TTN: variants seen among roughly 807,000 people sequenced by gnomAD.
The protein encoded by TTN is titin, also known as connectin.
TTN carries 1,525 observed loss-of-function variants against 3,223.0 expected under a neutral mutation model. The ratio of observed to expected loss-of-function variants is 0.47; its 90% CI spans 0.45 to 0.49. The LOEUF is 0.49. TTN is among the 20% of genes least tolerant of loss of function. The probability of loss-of-function intolerance (pLI) is 0.00; values close to 1 mark genes in which losing one functional copy is unlikely to be tolerated. For synonymous variants in TTN, 14,094 were observed against 15,161.0 expected (o/e 0.93, Z 5.17); for missense variants, 40,786 against 43,424.0 (o/e 0.94, Z 5.40).
intron 47 of TTN, chr2:178,748,913 G>GA (rs1217527330): frequency 6.2e-7 from 1 of 1,612,372 alleles, no homozygotes; most frequent in South Asian, 1.1e-5. Flanking sequence ...TTGCTTTAAT[G>GA]AAAAGGCTTT....
chr2:178,800,665 T>G lies in TTN; in HGVS notation c.313A>C (p.Asn105His), dbSNP rs780972429. ...LLVKAETAPP[N>H]FVQRLQSMTV... Reference sequence around the variant, plus strand: ...ATGCTCTGCAGTCGTTGAACGAAGTTGGGTGGTGCTGTCTCAGCTGCGGGG... The same window carrying G: ...ATGCTCTGCAGTCGTTGAACGAAGTGGGGTGGTGCTGTCTCAGCTGCGGGG... Residue 105 changes from asparagine to histidine, a missense_variant, in exon 4 of 363, where the codon AAC becomes CAC. By Grantham distance (68) the Asn-to-His change is moderately conservative. Transcript: ENST00000589042. 2.5e-6 allele frequency: 4 copies of G among 1,609,298 alleles called. No individual in the cohort carries two copies. Among genetic ancestry groups the G allele is most frequent in the South Asian group, 2.2e-5 (2 of 90,416 alleles).
chr2:178,607,995 C>T lies in TTN; in HGVS notation c.52792G>A (p.Gly17598Ser). Reference sequence around the variant, plus strand: ...ACAAAATAGCCAACAATTTCCCCACCACCATTGAAAGCTGGGGGTTCCCAT... The same window carrying T: ...ACAAAATAGCCAACAATTTCCCCACTACCATTGAAAGCTGGGGGTTCCCAT... ...LEWEPPAFNGGGEIVGYFVDK... is the reference protein window; with the variant it reads ...LEWEPPAFNGSGEIVGYFVDK... The change falls in exon 276 of 363, where the codon GGT becomes AGT. Residue 17598 changes from glycine (G) to serine (S), a missense_variant. By Grantham distance (56) the Gly-to-Ser change is moderately conservative (BLOSUM62 0). Coordinates refer to ENST00000589042, the MANE Select transcript of TTN (RefSeq NM_001267550.2). 1 of 1,612,910 alleles carries T rather than the reference C, an allele frequency of 6.2e-7. No individual in the cohort carries two copies. Among genetic ancestry groups the T allele is most frequent in the Non-Finnish European group, 8.5e-7 (1 of 1,179,320 alleles).
rs1267766480 is a variant in TTN at position 178,576,256 on chromosome 2, T to C, written c.69876A>G (p.Thr23292=). ...ACTGAGTGATTCTGAGGGCGGTTCCTGTGGTATCTTTTATCCAGGCCTCGT... is the reference window on the plus strand; with the variant it reads ...ACTGAGTGATTCTGAGGGCGGTTCCCGTGGTATCTTTTATCCAGGCCTCGT... The part of the protein sequence containing the change: ...VGDEAWIKDT[T]GTALRITQFV... The change falls in exon 326 of 363, where the codon ACA becomes ACG. Residue 23292 remains threonine (T), a synonymous_variant. Coordinates refer to ENST00000589042, the MANE Select transcript of TTN (RefSeq NM_001267550.2). The surrounding 1 kb of genome is among the most constrained non-coding windows in gnomAD (Gnocchi z 4.3). 2.5e-6 allele frequency: 4 copies of C among 1,611,624 alleles called. No individual in the cohort carries two copies. Among genetic ancestry groups the C allele is most frequent in the Non-Finnish European group, 3.4e-6 (4 of 1,179,038 alleles).
At chr2:178,732,415 A>C in intron 56 of TTN, 25 bp downstream of exon 56, 3 of 1,587,296 alleles carry the variant, frequency 1.9e-6, no homozygotes, top group Non-Finnish European at 2.6e-6. Flanking sequence ...GGTTAGCACA[A>C]AGATGTCAAG....
rs1326364197 is a variant in TTN, at chr2:178,678,159, A to G, written c.33960T>C (p.Pro11320=). ...GTGGTGCTTCCACTTTTTTCGGAACAGGTGTTGGTTTCTTTTCTTCTGGGA... is the reference window on the plus strand; with the variant it reads ...GTGGTGCTTCCACTTTTTTCGGAACGGGTGTTGGTTTCTTTTCTTCTGGGA... ...KLIPEEKKPT[P]VPKKVEAPPP... is the part of the protein sequence containing the mutation. Residue 11320 remains proline, a synonymous_variant, in exon 145 of 363, where the codon CCT becomes CCC. Coordinates refer to ENST00000589042, the MANE Select transcript of TTN (RefSeq NM_001267550.2). The G allele has an allele frequency of 6.2e-7, 1 of 1,611,236 alleles. No individual in the cohort carries two copies. Among genetic ancestry groups the G allele is most frequent in the East Asian group, 2.2e-5 (1 of 44,804 alleles).
intron 356 of TTN, 29 bp from the exon 357 acceptor site, chr2:178,536,604 T>C: frequency 6.8e-7 from 1 of 1,471,450 alleles, no homozygotes; most frequent in Non-Finnish European, 9.0e-7. Flanking sequence ...ATTTGAGTCA[T>C]GAGATGAAAC....
intron 159 of TTN, among the ~76,000 whole-genome samples, chr2:178,668,457 G>A (rs2066359051): frequency 6.6e-6 from 1 of 152,132 alleles, no homozygotes; most frequent in East Asian, 1.9e-4. Flanking sequence ...CGGGTCTGGT[G>A]TAGTGGCTCA....
chr2:178,799,664 C>G lies in TTN; in HGVS notation c.737G>C (p.Gly246Ala). 6.2e-7 allele frequency: 1 copy of G among 1,614,104 alleles called. No individual in the cohort carries two copies. Among genetic ancestry groups the G allele is most frequent in the Non-Finnish European group, 8.5e-7 (1 of 1,180,004 alleles). Residue 246 changes from glycine (G) to alanine (A), a missense_variant, in exon 6 of 363, where the codon GGG (glycine) becomes GCG (alanine). Transcript: ENST00000589042. The part of the protein sequence containing the change: ...TVEMVIDGAA[G>A]QQLPHKTPPR... ...AGGTGTTTTATGTGGCAGCTGTTGC[C>G]CAGCGGCACCATCTATGACCATCTC... is the stretch of plus-strand genomic sequence containing the variant.
rs1575166553 is a variant in TTN at position 178,526,798 on chromosome 2, A to G, written c.*214T>C. The G allele has an allele frequency of 8.9e-6, 4 of 448,428 alleles. No homozygotes were observed. Among genetic ancestry groups the G allele is most frequent in the African/African-American group, 2.0e-5 (1 of 50,746 alleles). The allele number at this position is 448,428 out of a possible 1,614,324, so 27.8% of individuals were successfully genotyped here. A position where few individuals can be genotyped will look rare whatever the true frequency, so the allele number is the denominator to read the frequency against. On this transcript the variant is annotated 3_prime_UTR_variant, in exon 363 of 363. Coordinates refer to ENST00000589042, the MANE Select transcript of TTN (RefSeq NM_001267550.2). Reference sequence around the variant, plus strand: ...AAACTTTATAACCGTTAATCCGGCTATATACAGTATGTACATGTCACTAGC... The same window carrying G: ...AAACTTTATAACCGTTAATCCGGCTGTATACAGTATGTACATGTCACTAGC...
chr2:178,622,580 T>A, intron 243 of TTN, 90 bp downstream of exon 243: 1 of 1,036,418 alleles, frequency 9.6e-7, no homozygotes, highest in Non-Finnish European at 1.4e-6. Flanking sequence ...AGAGAAGTTG[T>A]GACTAACTTT....
At position 178,575,298 on chromosome 2, in the gene TTN, C is replaced by T; in HGVS notation, c.70834G>A (p.Gly23612Arg). The change falls in exon 326 of 363, where the codon GGG (glycine) becomes AGG (arginine). Residue 23612 changes from glycine to arginine, a missense_variant. Transcript: ENST00000589042. The surrounding 1 kb of genome is among the most constrained non-coding windows in gnomAD (Gnocchi z 4.0). ...TFQVMAVNSAGRSAPRESRPV... is the reference protein window; with the variant it reads ...TFQVMAVNSARRSAPRESRPV... ...CTGCTTTCTCTAGGGGCACTTCTCCCCGCGCTGTTCACTGCCATCACTTGG... is the reference window on the plus strand; with the variant it reads ...CTGCTTTCTCTAGGGGCACTTCTCCTCGCGCTGTTCACTGCCATCACTTGG... 6.2e-7 allele frequency: 1 copy of T among 1,613,416 alleles called. No homozygotes were observed. The highest frequency in any genetic ancestry group is 8.5e-7 in the Non-Finnish European group (1 of 1,179,628).
chr2:178,610,442 A>G (rs2056040446), intron 270 of TTN, 53 bp from the exon 271 acceptor site: 1 of 1,575,734 alleles, frequency 6.3e-7, no homozygotes, highest in African/African-American at 1.4e-5. Context: ...CAGCATTTTA[A>G]TAATGCACTT....
chr2:178,605,885 T>C (rs1383347877), intron 278 of TTN, among the ~76,000 whole-genome samples, 172 bp from the exon 279 acceptor site: 1 of 152,010 alleles, frequency 6.6e-6, no homozygotes. Flanking sequence ...TAGACATTCA[T>C]GTAGACAGAA....
chr2:178,746,929 T>C (rs752325528), intron 47 of TTN: 3 of 1,613,574 alleles, frequency 1.9e-6, no homozygotes, highest in Non-Finnish European at 2.5e-6. Flanking sequence ...TTTCATAAGC[T>C]GAACCCCTCT....
At chr2:178,715,934 A>G (rs2077417225) in intron 88 of TTN, among the ~76,000 whole-genome samples, 160 bp from the exon 89 acceptor site, 1 of 152,184 alleles carries the variant, frequency 6.6e-6, no homozygotes, top group Admixed American at 6.6e-5. Flanking sequence ...TAAATAGAAA[A>G]TTTCTAAAAT....
In TTN at chr2:178,578,152, A is replaced by G. The variant is rs745626806; in HGVS notation, c.68363T>C (p.Leu22788Pro). ...YHLEFKERNSLLWKRANKTPI... is the reference protein window; with the variant it reads ...YHLEFKERNSPLWKRANKTPI... ...AGTCTTGTTAGCTCTCTTCCACAAA[A>G]GGCTGTTTCTTTCCTTGAACTCGAG... is the stretch of plus-strand genomic sequence containing the variant. The change falls in exon 322 of 363, where the codon CTT (leucine) becomes CCT (proline). Residue 22788 changes from leucine to proline, a missense_variant. Transcript: ENST00000589042. 27 of 1,612,874 alleles carry G rather than the reference A, an allele frequency of 1.7e-5. No individual in the cohort carries two copies. The highest frequency in any genetic ancestry group is 2.2e-5 in the Non-Finnish European group (26 of 1,179,352).
At position 178,773,503 on chromosome 2, in the gene TTN, A is replaced by T; in HGVS notation, c.7553T>A (p.Ile2518Lys). Residue 2518 changes from isoleucine (I) to lysine (K), a missense_variant, in exon 32 of 363, where the codon ATA (isoleucine) becomes AAA (lysine). By Grantham distance (102) the Ile-to-Lys change is moderately radical (BLOSUM62 -3). Transcript: ENST00000589042. ...HASDEGPYKL[I>K]VGRVETNCNL... ...ACAGTTGGTTTCAACTCTGCCAACT[A>T]TCAGCTTGTAAGGTCCTTCGTCTGA... The T allele has an allele frequency of 6.2e-7, 1 of 1,614,082 alleles. No homozygotes were observed. Among genetic ancestry groups the T allele is most frequent in the Non-Finnish European group, 8.5e-7 (1 of 1,179,966 alleles).
chr2:178,618,794 T>A lies in TTN; in HGVS notation c.46756A>T (p.Thr15586Ser), dbSNP rs764917649. The change falls in exon 251 of 363, where the codon ACA becomes TCA. Residue 15586 changes from threonine (T) to serine (S), a missense_variant. Transcript: ENST00000589042. ...DLVVDVGKPLTMVVPYDAYPK... is the reference protein window; with the variant it reads ...DLVVDVGKPLSMVVPYDAYPK... ...TAGGCATCATATGGCACCACCATTGTCAGAGGCTTGCCAACATCAACCACA... is the reference window on the plus strand; with the variant it reads ...TAGGCATCATATGGCACCACCATTGACAGAGGCTTGCCAACATCAACCACA... 1 of 1,611,260 alleles carries A rather than the reference T, an allele frequency of 6.2e-7. No individual in the cohort carries two copies.
chr2:178,715,853 C>T, intron 88 of TTN, 79 bp from the exon 89 acceptor site: 1 of 1,416,960 alleles, frequency 7.1e-7, no homozygotes, highest in Non-Finnish European at 9.4e-7. Context: ...AAAAAATAAT[C>T]TTTGCTAGAG....
Sources: gnomAD v4.1 joint callset for allele counts (sites outside exome capture counted in the v4.1 genomes callset) on GRCh38, gnomAD v4.1.1 for gene constraint, Gnocchi (gnomAD v3.1) non-coding constraint, MANE v1.5 for transcripts, NCBI Gene and HGNC (gene_info 2026-07-23, HGNC 2026-07-21) for gene names.